Variants in PRL observed in about 807,000 individuals in gnomAD.
PRL encodes decidual prolactin.
PRL carries 24 observed loss-of-function variants against 21.3 expected under a neutral mutation model. The observed-to-expected ratio is 1.13, with a 90% confidence interval of 0.82 to 1.59. The LOEUF (loss-of-function observed/expected upper bound fraction) is 1.59, where lower values mean the gene tolerates loss of function less well. Ranked by LOEUF, PRL falls within the 40% of genes most tolerant of loss-of-function variation. The probability of loss-of-function intolerance (pLI) is 0.00; values close to 1 mark genes in which losing one functional copy is unlikely to be tolerated. For missense variants in PRL, 243 were observed against 286.9 expected (o/e 0.85, Z 1.10); for synonymous variants, 118 against 115.7 (o/e 1.02, Z -0.13).
rs1333527728 is a variant in PRL at position 22,287,599 on chromosome 6, C to A, written c.493-6G>T. The A allele has an allele frequency of 3.2e-6, 5 of 1,578,994 alleles. No individual in the cohort carries two copies. The highest frequency in any genetic ancestry group is 3.6e-5 in the Admixed American group (2 of 55,412). On this transcript the variant is annotated splice_region_variant and splice_polypyrimidine_tract_variant and intron_variant, in intron 4 of 4. Transcript: ENST00000306482. ...TCTTTGGTTTCAGGATGAACCTAAT[C>A]ACACAAAAAAAGAGTGACTTATTCT...
intron 1 of PRL, among the ~76,000 whole-genome samples, chr6:22,302,610 G>T (rs2744117): frequency 0.076 from 11,598 of 152,140 alleles, 649 homozygotes; most frequent in East Asian, 0.23. Context: ...ATGAAAAAGA[G>T]CCTTCAGAAA....
Position 22,290,305 on chromosome 6 carries a change from C to T in PRL, c.361G>A (p.Glu121Lys), listed in dbSNP as rs1194537408. The T allele has an allele frequency of 2.5e-5, 41 of 1,609,554 alleles. No homozygotes were observed. The highest frequency in any genetic ancestry group is 1.1e-4 in the East Asian group (5 of 44,856). Reference protein sequence around the residue: ...LIVSILRSWNEPLYHLVTEVR... With the variant: ...LIVSILRSWNKPLYHLVTEVR... ...TCCGTGACCAGATGATACAGAGGCT[C>T]ATTCCAGGATCGCAATATGCTGACT... is the stretch of plus-strand genomic sequence containing the variant. The change falls in exon 4 of 5, where the codon GAG (glutamate) becomes AAG (lysine). Residue 121 changes from glutamate (E) to lysine (K), a missense_variant. Transcript: ENST00000306482.
intron 4 of PRL, among the ~76,000 whole-genome samples, chr6:22,289,075 TAAG>T (rs1354909852): frequency 2.6e-5 from 4 of 152,102 alleles, no homozygotes; most frequent in Non-Finnish European, 5.9e-5. Flanking sequence ...AATACTTAAA[TAAG>T]TGGTAGAGAA....
At position 22,297,008 on chromosome 6, in the gene PRL, C is replaced by T; in HGVS notation, c.-26G>A. ...GTTCGTGATCGTTGCAGGAAACACA[C>T]TTCACCAGAGAAGATCTGGAAGTCT... On this transcript the variant is annotated 5_prime_UTR_variant, in exon 1 of 5. In the 5' UTR this introduces an upstream ATG that the reference lacks. Coordinates refer to ENST00000306482, the MANE Select transcript of PRL (RefSeq NM_000948.6). The T allele has an allele frequency of 1.2e-6, 2 of 1,613,618 alleles. No individual in the cohort carries two copies. The highest frequency in any genetic ancestry group is 1.7e-6 in the Non-Finnish European group (2 of 1,179,700).
upstream of PRL, chr6:22,297,172 T>G (rs1761197823): frequency 6.6e-6 from 4 of 606,096 alleles, no homozygotes; most frequent in Non-Finnish European, 1.2e-5. Context: ...AAACATCAAA[T>G]GGTATTTTAT....
chr6:22,292,469 C>A (rs1437328514), intron 3 of PRL, 69 bp downstream of exon 3: 1 of 1,400,016 alleles, frequency 7.1e-7, no homozygotes, highest in Non-Finnish European at 1.0e-6. Flanking sequence ...TATTACAGCA[C>A]CTATCACCAT....
chr6:22,287,646 G>A, intron 4 of PRL, 53 bp from the exon 5 acceptor site: 5 of 1,396,100 alleles, frequency 3.6e-6, no homozygotes, highest in Non-Finnish European at 4.8e-6. Context: ...GTATTTGTAT[G>A]TCCTTGTTCT....
upstream of PRL, among the ~76,000 whole-genome samples, chr6:22,299,235 C>T (rs1212429349): frequency 2.6e-5 from 4 of 152,054 alleles, no homozygotes; most frequent in Non-Finnish European, 4.4e-5. Context: ...TAAAACTTTA[C>T]AAAACTTCAT....
upstream of PRL, among the ~76,000 whole-genome samples, chr6:22,298,974 A>C (rs1291809762): frequency 6.6e-6 from 1 of 152,146 alleles, no homozygotes; most frequent in Non-Finnish European, 1.5e-5. Context: ...TTCTCTGTAA[A>C]ATTTATTGTG....
intron 2 of PRL, among the ~76,000 whole-genome samples, chr6:22,293,647 G>GAAAA (rs1484960364): frequency 7.4e-4 from 49 of 66,314 alleles, no homozygotes; most frequent in Middle Eastern, 0.011. Context: ...AGGAAGGAAG[G>GAAAA]AAGGAAGGAA....
intron 2 of PRL, 46 bp downstream of exon 2, chr6:22,294,363 C>A: frequency 1.2e-6 from 2 of 1,607,490 alleles, no homozygotes; most frequent in South Asian, 1.1e-5. Flanking sequence ...CCCAGTAGTT[C>A]ATGTGAAGGC....
At chr6:22,293,798 GGGAA>G (rs149902270) in intron 2 of PRL, among the ~76,000 whole-genome samples, 28,969 of 129,282 alleles carry the variant, frequency 0.22, 3,126 homozygotes, top group Non-Finnish European at 0.28. Flanking sequence ...GAAGGAAGGA[GGGAA>G]GGAAGGAAGG....
At chr6:22,298,840 A>G (rs750997590), upstream of PRL, among the ~76,000 whole-genome samples, 37 of 152,186 alleles carry the variant, frequency 2.4e-4, 1 homozygote, top group African/African-American at 4.8e-5. Context: ...TGACAACTTA[A>G]TCTTAAAATT....
chr6:22,297,508 A>T (rs1761203602), upstream of PRL: 1 of 152,634 alleles, frequency 6.6e-6, no homozygotes, highest in South Asian at 2.1e-4. Flanking sequence ...GGATTGAGAA[A>T]TCAGGATTTT....
chr6:22,295,156 G>A (rs768252317), intron 1 of PRL, among the ~76,000 whole-genome samples: 19 of 152,078 alleles, frequency 1.2e-4, no homozygotes, highest in Non-Finnish European at 2.4e-4. Flanking sequence ...CTGCTAACTC[G>A]TAATAGTCCC....
chr6:22,297,001 A>G lies in PRL; in HGVS notation c.-19T>C, dbSNP rs1174409498. ...TGTTCATGTTCGTGATCGTTGCAGG[A>G]AACACACTTCACCAGAGAAGATCTG... On this transcript the variant is annotated 5_prime_UTR_variant, in exon 1 of 5. Transcript: ENST00000306482. 6.2e-7 allele frequency: 1 copy of G among 1,613,870 alleles called. No individual in the cohort carries two copies. Among genetic ancestry groups the G allele is most frequent in the East Asian group, 2.2e-5 (1 of 44,868 alleles).
rs543561158 is a variant in PRL at position 22,293,771 on chromosome 6, G to T, written c.204+638C>A. Reference sequence around the variant, plus strand: ...AGCAAGGAAGGAAGGAAGGGGAATGGAAGGGAAGGGAAGAAGGAAGGAAGG... The same window carrying T: ...AGCAAGGAAGGAAGGAAGGGGAATGTAAGGGAAGGGAAGAAGGAAGGAAGG... On this transcript the variant is annotated intron_variant, in intron 2 of 4. Coordinates refer to ENST00000306482, the MANE Select transcript of PRL (RefSeq NM_000948.6). Among the ~76,000 whole-genome samples the T allele has an allele frequency of 1.7e-3, 247 of 142,126 alleles. 2 individuals are homozygous for T. The highest frequency in any genetic ancestry group is 2.1e-4 in the East Asian group (1 of 4,750). 93.2% of individuals were successfully genotyped at this position (142,126 alleles called of 152,430 possible).
upstream of PRL, among the ~76,000 whole-genome samples, chr6:22,298,631 A>T (rs1402262435): frequency 6.6e-6 from 1 of 152,210 alleles, no homozygotes; most frequent in African/African-American, 2.4e-5. Flanking sequence ...ATCAAATGTG[A>T]TGATTCATAG....
upstream of PRL, among the ~76,000 whole-genome samples, chr6:22,301,455 A>G (rs1285865508): frequency 6.6e-6 from 1 of 152,092 alleles, no homozygotes; most frequent in Non-Finnish European, 1.5e-5. Flanking sequence ...GGGTTGACCT[A>G]TGTGAGGGGC....
Sources: gnomAD v4.1 joint callset for allele counts (sites outside exome capture counted in the v4.1 genomes callset) on GRCh38, gnomAD v4.1.1 for gene constraint, MANE v1.5 for transcripts, NCBI Gene and HGNC (gene_info 2026-07-23, HGNC 2026-07-21) for gene names.